The following ENPP3 variants were observed in gnomAD, a reference collection of about 807,000 sequenced individuals.
ENPP3 encodes the protein ectonucleotide pyrophosphatase/phosphodiesterase family member 3.
ENPP3 carries 104 observed loss-of-function variants against 117.8 expected under a neutral mutation model. The observed-to-expected ratio is 0.88, with a 90% CI of 0.75 to 1.04. ENPP3 has a LOEUF of 1.04. ENPP3 is among the 50% of genes least tolerant of loss of function. ENPP3 has a pLI of 0.00. For missense variants in ENPP3, 1,026 were observed against 1,051.9 expected (o/e 0.98, Z 0.34); for synonymous variants, 380 against 349.9 (o/e 1.09, Z -0.96).
intron 19 of ENPP3, among the ~76,000 whole-genome samples, chr6:131,725,587 A>G (rs1407381542): frequency 1.3e-5 from 2 of 152,230 alleles, no homozygotes; most frequent in Non-Finnish European, 2.9e-5. Flanking sequence ...TTAGAGACAC[A>G]TAAACATTCT....
At chr6:131,651,363 A>G (rs1778258991) in intron 3 of ENPP3, among the ~76,000 whole-genome samples, 1 of 152,248 alleles carries the variant, frequency 6.6e-6, no homozygotes, top group Admixed American at 6.5e-5. Flanking sequence ...TAACAATGCT[A>G]AATACAGAAT....
At chr6:131,733,449 C>A (rs1190512837) in intron 20 of ENPP3, 139 bp from the exon 21 acceptor site, 2 of 851,544 alleles carry the variant, frequency 2.3e-6, no homozygotes, top group Non-Finnish European at 3.5e-6. Flanking sequence ...CATCCATTCT[C>A]ATTGCTTGCG....
At chr6:131,743,657 T>A (rs966979378) in intron 24 of ENPP3, among the ~76,000 whole-genome samples, 2 of 151,904 alleles carry the variant, frequency 1.3e-5, no homozygotes, top group Admixed American at 6.6e-5. Context: ...AGACCCCATC[T>A]ATACTAAAAA....
In ENPP3 at chr6:131,720,365, A is replaced by G. The variant is rs1337432338; in HGVS notation, c.1553A>G (p.Tyr518Cys). ...EVEPFENIEVYNLMCDLLRIQ... is the reference protein window; with the variant it reads ...EVEPFENIEVCNLMCDLLRIQ... ...GAACCATTTGAAAATATTGAAGTCT[A>G]TAACCTAATGTGTGGTAAGTATATT... is the stretch of plus-strand genomic sequence containing the variant. Residue 518 changes from tyrosine to cysteine, a missense_variant, in exon 17 of 25, where the codon TAT (tyrosine) becomes TGT (cysteine). Physicochemically the swap from Tyr to Cys is radical, Grantham distance 194 (BLOSUM62 -2). Transcript: ENST00000357639. The G allele has an allele frequency of 2.6e-6, 4 of 1,558,696 alleles. No individual in the cohort carries two copies. The highest frequency in any genetic ancestry group is 2.3e-5 in the East Asian group (1 of 44,058).
intron 21 of ENPP3, among the ~76,000 whole-genome samples, chr6:131,734,617 C>A (rs1482459820): frequency 6.6e-6 from 1 of 152,050 alleles, no homozygotes; most frequent in Non-Finnish European, 1.5e-5. Flanking sequence ...TTGCAACAGG[C>A]TGGGTGCGGT....
At position 131,683,180 on chromosome 6, in the gene ENPP3, A is replaced by G. The variant is rs771712779; in HGVS notation, c.1120+18A>G. On this transcript the variant is annotated intron_variant, in intron 12 of 24. Coordinates refer to ENST00000357639, the MANE Select transcript of ENPP3 (RefSeq NM_005021.5). Reference sequence around the variant, plus strand: ...TGACCATGGTATGCTTTTAAAAAACATTCTTATTTTATCATTGACTATAAT... The same window carrying G: ...TGACCATGGTATGCTTTTAAAAAACGTTCTTATTTTATCATTGACTATAAT... The G allele has an allele frequency of 7.7e-7, 1 of 1,306,714 alleles. No homozygotes were observed. Among genetic ancestry groups the G allele is most frequent in the Non-Finnish European group, 1.1e-6 (1 of 908,944 alleles). The allele number at this position is 1,306,714 out of a possible 1,614,324, so 80.9% of individuals were successfully genotyped here.
chr6:131,646,274 CTG>C (rs34014584), intron 2 of ENPP3, among the ~76,000 whole-genome samples: 6,249 of 145,184 alleles, frequency 0.043, 295 homozygotes, highest in African/African-American at 0.12. Flanking sequence ...TCTCAATACT[CTG>C]TGTGTGTGTG....
chr6:131,644,334 A>G (rs917940861), intron 2 of ENPP3, among the ~76,000 whole-genome samples: 1 of 152,194 alleles, frequency 6.6e-6, no homozygotes, highest in Admixed American at 6.5e-5. Context: ...TGTGTTATGA[A>G]TAGATAGTAG....
intron 23 of ENPP3, among the ~76,000 whole-genome samples, chr6:131,739,419 C>G (rs577118456): frequency 6.6e-6 from 1 of 152,064 alleles, no homozygotes; most frequent in Non-Finnish European, 1.5e-5. Context: ...ACTCGAAACT[C>G]GGTAAATGAC....
intron 5 of ENPP3, among the ~76,000 whole-genome samples, chr6:131,654,109 T>TTTATTA (rs35379106): frequency 0.027 from 3,868 of 143,242 alleles, 89 homozygotes; most frequent in African/African-American, 0.052. Context: ...AAATTTAAGT[T>TTTATTA]TTATTATTAT....
At position 131,665,383 on chromosome 6, in the gene ENPP3, TC is replaced by T. The variant is rs1439856485; in HGVS notation, c.563-5864del. ...TGAAGCCATCTGGTCCTGGTCTTTT[TC>T]TTGGGAGGATTTTAATTATTGATTC... On this transcript the variant is annotated intron_variant, in intron 6 of 24. Coordinates refer to ENST00000357639, the MANE Select transcript of ENPP3 (RefSeq NM_005021.5). Among the ~76,000 whole-genome samples, 9 of 152,294 alleles carry T rather than the reference TC, an allele frequency of 5.9e-5. No individual in the cohort carries two copies. The East Asian group carries it at 1.7e-3, about 29-fold the overall frequency.
intron 7 of ENPP3, among the ~76,000 whole-genome samples, chr6:131,672,822 A>G (rs1294184311): frequency 6.6e-6 from 1 of 151,994 alleles, no homozygotes; most frequent in East Asian, 1.9e-4. Context: ...CCTAAAATCT[A>G]TAGGCATTTA....
chr6:131,678,633 C>T (rs1301554584), intron 11 of ENPP3, among the ~76,000 whole-genome samples: 4 of 152,232 alleles, frequency 2.6e-5, no homozygotes, highest in Non-Finnish European at 4.4e-5. Flanking sequence ...AACTCGTTGA[C>T]AATTGTCCTC....
At chr6:131,675,654 C>T (rs1324089715) in intron 9 of ENPP3, among the ~76,000 whole-genome samples, 1 of 151,924 alleles carries the variant, frequency 6.6e-6, no homozygotes, top group Non-Finnish European at 1.5e-5. Flanking sequence ...ATGGTGAAAC[C>T]CTGTCTCTAC....
At chr6:131,658,834 T>C (rs542029428) in intron 6 of ENPP3, among the ~76,000 whole-genome samples, 1 of 152,268 alleles carries the variant, frequency 6.6e-6, no homozygotes, top group East Asian at 1.9e-4. Flanking sequence ...TCAGCCGATA[T>C]CAAGTCCAGG....
intron 3 of ENPP3, among the ~76,000 whole-genome samples, chr6:131,651,222 G>A (rs762563626): frequency 6.6e-5 from 10 of 152,030 alleles, no homozygotes; most frequent in African/African-American, 1.7e-4. Flanking sequence ...ACCCAGCCTC[G>A]GCAAGTAATT....
At chr6:131,678,915 TTC>T (rs1449583646) in intron 11 of ENPP3, among the ~76,000 whole-genome samples, 1 of 56,486 alleles carries the variant, frequency 1.8e-5, no homozygotes, top group Non-Finnish European at 3.0e-5. Context: ...CTCTCTTTCT[TTC>T]TTTCTTTCTT....
intron 11 of ENPP3, among the ~76,000 whole-genome samples, chr6:131,678,796 T>A (rs1281885998): frequency 6.6e-6 from 1 of 152,234 alleles, no homozygotes; most frequent in Non-Finnish European, 1.5e-5. Context: ...TCTGTTGTAT[T>A]CCTGCACAGC....
chr6:131,675,765 G>A (rs1412784849), intron 9 of ENPP3, among the ~76,000 whole-genome samples: 3 of 152,166 alleles, frequency 2.0e-5, no homozygotes, highest in Admixed American at 6.5e-5. Context: ...AACCCAGGAG[G>A]TGGAGGTTGC....
Sources: gnomAD v4.1 joint callset for allele counts (sites outside exome capture counted in the v4.1 genomes callset) on GRCh38, gnomAD v4.1.1 for gene constraint, MANE v1.5 for transcripts, NCBI Gene and HGNC (gene_info 2026-07-23, HGNC 2026-07-21) for gene names.